Variants in SLC14A2 observed in about 807,000 individuals in gnomAD.
The protein encoded by SLC14A2 is solute carrier family 14 member 2.
A neutral mutation model predicts 104.6 loss-of-function variants in SLC14A2; 91 were observed. That is an observed-to-expected ratio of 0.87 (90% CI 0.73 to 1.04). SLC14A2 has a LOEUF of 1.04. Ranked by LOEUF, SLC14A2 falls within the 50% of genes least tolerant of loss-of-function variation. The pLI is 0.00. For synonymous variants in SLC14A2, 476 were observed against 466.4 expected (o/e 1.02, Z -0.27); for missense variants, 1,189 against 1,156.0 (o/e 1.03, Z -0.41).
At chr18:45,375,105 C>T (rs1399873083) in intron 1 of SLC14A2, among the ~76,000 whole-genome samples, 3 of 152,208 alleles carry the variant, frequency 2.0e-5, no homozygotes, top group African/African-American at 7.2e-5. Flanking sequence ...CTTGTTGCTT[C>T]CTGGCTGTAG....
At chr18:45,277,019 A>G (rs982466044) in intron 1 of SLC14A2, among the ~76,000 whole-genome samples, 1 of 152,256 alleles carries the variant, frequency 6.6e-6, no homozygotes, top group African/African-American at 2.4e-5. Context: ...TCCTGAAAAC[A>G]GAGAATAATA....
intron 1 of SLC14A2, among the ~76,000 whole-genome samples, chr18:45,240,181 C>T (rs1346318489): frequency 4.1e-5 from 6 of 145,512 alleles, no homozygotes; most frequent in African/African-American, 1.5e-4. Flanking sequence ...ACTGCAACCT[C>T]TGCCTCCTGG....
At chr18:45,410,722 C>T (rs2086205907) in intron 1 of SLC14A2, among the ~76,000 whole-genome samples, 2 of 152,078 alleles carry the variant, frequency 1.3e-5, no homozygotes, top group Non-Finnish European at 2.9e-5. Context: ...CCAGTGTTTC[C>T]ACAGACATGT....
At chr18:45,357,330 G>A (rs931996658) in intron 1 of SLC14A2, among the ~76,000 whole-genome samples, 1 of 150,372 alleles carries the variant, frequency 6.7e-6, no homozygotes, top group Non-Finnish European at 1.5e-5. Context: ...GGAAGAAAGA[G>A]GCCAGGCATG....
chr18:45,370,507 A>G (rs1392922964), intron 1 of SLC14A2, among the ~76,000 whole-genome samples: 4 of 152,212 alleles, frequency 2.6e-5, no homozygotes, highest in African/African-American at 7.2e-5. Flanking sequence ...GAACTTCTCT[A>G]AAGAAAGACC....
At chr18:45,581,812 A>T (rs535967144) in intron 2 of SLC14A2, among the ~76,000 whole-genome samples, 10 of 152,304 alleles carry the variant, frequency 6.6e-5, no homozygotes, top group African/African-American at 1.9e-4. Flanking sequence ...TCTGAGCAGC[A>T]CTACTTCTAA....
Position 45,673,750 on chromosome 18 carries a change from A to G in SLC14A2, c.2445A>G (p.Ala815=), listed in dbSNP as rs1015584248. The G allele has an allele frequency of 2.5e-6, 4 of 1,614,196 alleles. No individual in the cohort carries two copies. The highest frequency in any genetic ancestry group is 2.7e-5 in the African/African-American group (2 of 75,054). Residue 815 remains alanine, a synonymous_variant, in exon 18 of 20, where the codon GCA becomes GCG. Transcript: ENST00000255226. The part of the protein sequence containing the change: ...FGLCGFNSTL[A]CIAIGGMFYV... ...TGTGTGGCTTCAACAGCACCCTCGC[A>G]TGCATAGCGATAGGAGGCATGTTCT...
intron 2 of SLC14A2, among the ~76,000 whole-genome samples, chr18:45,531,160 A>G (rs562161304): frequency 1.1e-4 from 17 of 152,320 alleles, no homozygotes; most frequent in Admixed American, 6.5e-4. Context: ...CAATAAACAT[A>G]CGTGTGCATG....
chr18:45,382,310 A>AT (rs78474073), intron 1 of SLC14A2, among the ~76,000 whole-genome samples: 87,035 of 151,494 alleles, frequency 0.57, 28,515 homozygotes, highest in East Asian at 0.86. Flanking sequence ...ACTTAATATA[A>AT]GCTCTAGTTT....
intron 1 of SLC14A2, among the ~76,000 whole-genome samples, chr18:45,438,807 A>G (rs1047584823): frequency 6.6e-6 from 1 of 152,202 alleles, no homozygotes. Flanking sequence ...ATTCCTGTCC[A>G]TATAAGAATT....
chr18:45,657,488 G>GAAAAAAAAAAAAAAAA (rs76314316), intron 10 of SLC14A2, among the ~76,000 whole-genome samples: 1 of 82,806 alleles, frequency 1.2e-5, no homozygotes, highest in African/African-American at 4.3e-5. Flanking sequence ...CTGTGTCAAG[G>GAAAAAAAAAAAAAAAA]AAAAAAAAAA....
chr18:45,655,038 C>A (rs1432984512), intron 10 of SLC14A2, among the ~76,000 whole-genome samples: 1 of 152,208 alleles, frequency 6.6e-6, no homozygotes, highest in African/African-American at 2.4e-5. Flanking sequence ...TCCTTGGCCT[C>A]TCTCCTCAGT....
chr18:45,682,594 C>T lies in SLC14A2; in HGVS notation c.*75C>T. The stretch of plus-strand genomic sequence containing the variant: ...TCCAGATCCCCAGGATAAGAGACCA[C>T]TTAGCCTTCCCTTTGGTCTGTTCTG... On this transcript the variant is annotated 3_prime_UTR_variant, in exon 20 of 20. Transcript: ENST00000255226. 8.2e-7 allele frequency: 1 copy of T among 1,221,766 alleles called. No homozygotes were observed. The highest frequency in any genetic ancestry group is 2.3e-5 in the East Asian group (1 of 43,016). 75.7% of individuals were successfully genotyped at this position (1,221,766 alleles called of 1,614,324 possible).
intron 1 of SLC14A2, among the ~76,000 whole-genome samples, chr18:45,268,390 T>C (rs1236102477): frequency 6.6e-6 from 1 of 152,144 alleles, no homozygotes; most frequent in Non-Finnish European, 1.5e-5. Flanking sequence ...CTAATACATA[T>C]AGCAAAAAAG....
At chr18:45,398,948 G>A (rs956809873) in intron 1 of SLC14A2, among the ~76,000 whole-genome samples, 1 of 152,092 alleles carries the variant, frequency 6.6e-6, no homozygotes, top group African/African-American at 2.4e-5. Flanking sequence ...TTATGTCATC[G>A]AACGAACATT....
At chr18:45,538,914 CT>C (rs2043842511) in intron 2 of SLC14A2, among the ~76,000 whole-genome samples, 1 of 98,642 alleles carries the variant, frequency 1.0e-5, no homozygotes, top group African/African-American at 4.0e-5. Flanking sequence ...TCCTTTTTTG[CT>C]TTCTTTCCTT....
chr18:45,355,443 T>C (rs1014298228), intron 1 of SLC14A2, among the ~76,000 whole-genome samples: 4 of 151,532 alleles, frequency 2.6e-5, no homozygotes, highest in African/African-American at 9.7e-5. Context: ...CCAGGCATGG[T>C]GGTGTGTGCC....
At chr18:45,569,552 TCA>T (rs2044316994) in intron 2 of SLC14A2, among the ~76,000 whole-genome samples, 1 of 152,238 alleles carries the variant, frequency 6.6e-6, no homozygotes, top group African/African-American at 2.4e-5. Flanking sequence ...ATTAGCCATC[TCA>T]CAACAATATA....
At chr18:45,209,849 C>T (rs1046971881), upstream of SLC14A2, among the ~76,000 whole-genome samples, 1 of 152,200 alleles carries the variant, frequency 6.6e-6, no homozygotes, top group Non-Finnish European at 1.5e-5. Flanking sequence ...GCCCAGTGCT[C>T]CTGATTCCAC....
Sources: gnomAD v4.1 joint callset for allele counts (sites outside exome capture counted in the v4.1 genomes callset) on GRCh38, gnomAD v4.1.1 for gene constraint, MANE v1.5 for transcripts, NCBI Gene and HGNC (gene_info 2026-07-23, HGNC 2026-07-21) for gene names.